CCDC33: variants seen among roughly 807,000 people sequenced by gnomAD.
CCDC33 encodes the protein coiled-coil domain containing 33, also known as coiled-coil domain-containing protein 33.
CCDC33 carries 94 observed loss-of-function variants against 91.9 expected under a neutral mutation model. The observed-to-expected ratio is 1.02, with a 90% confidence interval of 0.87 to 1.21. The LOEUF (loss-of-function observed/expected upper bound fraction) is 1.21, where lower values mean the gene tolerates loss of function less well. CCDC33 is among the 50% of genes most tolerant of loss of function. CCDC33 has a pLI of 0.00. For missense variants in CCDC33, 940 were observed against 935.5 expected, an observed-to-expected ratio of 1.00 and a Z score of -0.06; for synonymous variants, 396 against 374.5, an observed-to-expected ratio of 1.06 and a Z score of -0.66.
In CCDC33 at chr15:74,332,801, C is replaced by T. The variant is rs745334657; in HGVS notation, c.1894C>T (p.Arg632Cys). 141 of 1,614,182 alleles carry T rather than the reference C, an allele frequency of 8.7e-5. No individual in the cohort carries two copies. In the South Asian group the frequency reaches 1.3e-3, roughly 15 times the overall value. The change falls in exon 16 of 19, where the codon CGC (arginine) becomes TGC (cysteine). Residue 632 changes from arginine (R) to cysteine (C), a missense_variant. Arg to Cys is a radical substitution (Grantham distance 180). Coordinates refer to ENST00000398814, the MANE Select transcript of CCDC33 (RefSeq NM_025055.5). ...GCTGCGGACGGAGCTGGATAAGAAC[C>T]GCCACCAGCAGGCCCCCATCATTCT... ...AKLRTELDKN[R>C]HQQAPIILQQ... is the part of the protein sequence containing the mutation.
chr15:74,244,017 C>T lies in CCDC33; in HGVS notation c.54C>T (p.Ala18=). ...NTEDPEEPLI[A]SQSTEPEIGH... ...AAGACCCAGAGGAGCCCCTGATCGC[C>T]TCCCAGAGCACGGAACCTGAGATCG... Residue 18 remains alanine, a synonymous_variant, in exon 2 of 19, where the codon GCC becomes GCT. Coordinates refer to ENST00000398814, the MANE Select transcript of CCDC33 (RefSeq NM_025055.5). The surrounding 1 kb of genome is among the most constrained non-coding windows in gnomAD (Gnocchi z 4.2). The T allele has an allele frequency of 1.2e-6, 2 of 1,613,698 alleles. No individual in the cohort carries two copies. The highest frequency in any genetic ancestry group is 1.7e-6 in the Non-Finnish European group (2 of 1,179,876).
intron 11 of CCDC33, among the ~76,000 whole-genome samples, chr15:74,309,012 C>T (rs564669533): frequency 1.6e-4 from 24 of 152,242 alleles, no homozygotes; most frequent in African/African-American, 3.4e-4. Flanking sequence ...CCAGTGGGCT[C>T]ACTCAGAGAG....
At chr15:74,222,653 A>C (rs1275710335) in intron 2 of CCDC33, among the ~76,000 whole-genome samples, 1 of 151,362 alleles carries the variant, frequency 6.6e-6, no homozygotes, top group African/African-American at 2.4e-5. Flanking sequence ...AAGCCTGTGG[A>C]TTCTGATTGT....
intron 5 of CCDC33, among the ~76,000 whole-genome samples, chr15:74,269,350 G>A (rs2076254342): frequency 6.6e-6 from 1 of 152,128 alleles, no homozygotes; most frequent in African/African-American, 2.4e-5. Flanking sequence ...GGCAGGGAAG[G>A]AAGCATTCTT....
At chr15:74,280,962 C>G (rs2059350216) in intron 9 of CCDC33, among the ~76,000 whole-genome samples, 161 bp downstream of exon 9, 1 of 152,198 alleles carries the variant, frequency 6.6e-6, no homozygotes, top group African/African-American at 2.4e-5. Context: ...AAGTGAGGAG[C>G]TCCCTGGAAC....
chr15:74,322,234 G>C (rs2060221705), intron 11 of CCDC33, among the ~76,000 whole-genome samples: 1 of 152,166 alleles, frequency 6.6e-6, no homozygotes, highest in African/African-American at 2.4e-5. Flanking sequence ...ACATCTCATA[G>C]CTTTGTGGGT....
chr15:74,271,628 G>T, intron 5 of CCDC33, 75 bp from the exon 6 acceptor site: 1 of 1,066,362 alleles, frequency 9.4e-7, no homozygotes, highest in Non-Finnish European at 1.4e-6. Flanking sequence ...AAGAGGGTAG[G>T]CAGTCTGGCT....
At chr15:74,318,371 C>T (rs1226035487) in intron 11 of CCDC33, among the ~76,000 whole-genome samples, 1 of 152,088 alleles carries the variant, frequency 6.6e-6, no homozygotes, top group Non-Finnish European at 1.5e-5. Flanking sequence ...ACAGCCCTCC[C>T]CGGCCCTGCT....
intron 2 of CCDC33, among the ~76,000 whole-genome samples, chr15:74,252,407 A>G (rs1269471430): frequency 1.3e-5 from 2 of 152,214 alleles, no homozygotes; most frequent in Non-Finnish European, 2.9e-5. Flanking sequence ...AGCAAAAATA[A>G]CAATAACACA....
At chr15:74,284,589 A>T (rs893298503) in intron 10 of CCDC33, among the ~76,000 whole-genome samples, 2 of 151,460 alleles carry the variant, frequency 1.3e-5, no homozygotes, top group Non-Finnish European at 2.9e-5. Context: ...GAAGAAGAAG[A>T]AAAAAAAACA....
At chr15:74,323,992 C>T (rs530128625) in intron 11 of CCDC33, among the ~76,000 whole-genome samples, 53 of 149,932 alleles carry the variant, frequency 3.5e-4, no homozygotes, top group Non-Finnish European at 5.8e-4. Flanking sequence ...ACTCAGGAGG[C>T]TGAGGCAGGA....
chr15:74,240,770 T>C (rs1375265409), intron 1 of CCDC33, among the ~76,000 whole-genome samples: 2 of 152,256 alleles, frequency 1.3e-5, no homozygotes, highest in East Asian at 3.9e-4. Context: ...TTTTTGTATT[T>C]TTAGTAGAGA....
chr15:74,274,726 C>T (rs1274762642), intron 7 of CCDC33, among the ~76,000 whole-genome samples: 1 of 152,224 alleles, frequency 6.6e-6, no homozygotes, highest in Non-Finnish European at 1.5e-5. Context: ...AATGAGTGTG[C>T]CCCCTCCCAC....
At chr15:74,256,375 A>G (rs1383739143) in intron 2 of CCDC33, among the ~76,000 whole-genome samples, 1 of 152,094 alleles carries the variant, frequency 6.6e-6, no homozygotes, top group Non-Finnish European at 1.5e-5. Context: ...GTTCGACTTT[A>G]TGTCTGGCCC....
At chr15:74,318,678 A>C (rs1385083365) in intron 11 of CCDC33, 1 of 758,914 alleles carries the variant, frequency 1.3e-6, no homozygotes, top group Non-Finnish European at 2.5e-6. Context: ...CCCCTCGCCC[A>C]CTGGTTCTGG....
chr15:74,332,746 T>G lies in CCDC33; in HGVS notation c.1839T>G (p.Leu613=). 6.2e-7 allele frequency: 1 copy of G among 1,614,176 alleles called. No individual in the cohort carries two copies. Among genetic ancestry groups the G allele is most frequent in the Non-Finnish European group, 8.5e-7 (1 of 1,180,024 alleles). The change falls in exon 16 of 19, where the codon CTT becomes CTG. Residue 613 remains leucine (L), a synonymous_variant. Transcript: ENST00000398814. ...GSMGENLPVE[L]YSVLLAENAK... ...TGGGAGAGAACCTGCCGGTTGAACT[T>G]TACTCGGTGCTGCTGGCAGAAAACG... is the stretch of plus-strand genomic sequence containing the variant.
intron 1 of CCDC33, chr15:74,203,293 C>A: frequency 1.2e-6 from 1 of 833,144 alleles, no homozygotes; most frequent in Non-Finnish European, 1.4e-6. Flanking sequence ...CAAACCAGAC[C>A]CACGGGTAGG....
intron 2 of CCDC33, among the ~76,000 whole-genome samples, chr15:74,252,793 C>T (rs1483758698): frequency 3.3e-5 from 5 of 152,182 alleles, no homozygotes; most frequent in Admixed American, 2.0e-4. Flanking sequence ...CCCTGCAGGG[C>T]CCCCACACCA....
rs372786276 is a variant in CCDC33, at chr15:74,318,645, T to C, written c.1291-11544T>C. ...GCCCCCAAGGCTGCCCCAGGCCTCA[T>C]TGACAGCTTCTCTGTAAGTCGCCCC... On this transcript the variant is annotated intron_variant, in intron 11 of 18. Coordinates refer to ENST00000398814, the MANE Select transcript of CCDC33 (RefSeq NM_025055.5). 5.2e-6 allele frequency: 4 copies of C among 769,796 alleles called. No individual in the cohort carries two copies. In the East Asian group the frequency reaches 7.5e-5, roughly 14 times the overall value. The allele number at this position is 769,796 out of a possible 1,614,324, so 47.7% of individuals were successfully genotyped here.
Sources: gnomAD v4.1 joint callset for allele counts (sites outside exome capture counted in the v4.1 genomes callset) on GRCh38, gnomAD v4.1.1 for gene constraint, Gnocchi (gnomAD v3.1) non-coding constraint, MANE v1.5 for transcripts, NCBI Gene and HGNC (gene_info 2026-07-23, HGNC 2026-07-21) for gene names.